ARID1B: variants seen among roughly 807,000 people sequenced by gnomAD.
The protein encoded by ARID1B is AT-rich interaction domain 1B.
ARID1B carries 30 observed loss-of-function variants against 212.3 expected under a neutral mutation model. The ratio of observed to expected loss-of-function variants is 0.14; its 90% CI spans 0.11 to 0.19. The LOEUF (loss-of-function observed/expected upper bound fraction) is 0.19. Among genes scored for constraint, ARID1B ranks in the 10% least tolerant of loss-of-function variants. The probability of loss-of-function intolerance (pLI) is 1.00; values close to 1 mark genes in which losing one functional copy is unlikely to be tolerated. For synonymous variants in ARID1B, 1,402 were observed against 1,301.7 expected (o/e 1.08, Z -1.66); for missense variants, 2,891 against 3,204.0 (o/e 0.90, Z 2.36).
chr6:157,039,688 TCCTTCCTTCTTTCTTTC>T (rs1781655281), intron 4 of ARID1B, among the ~76,000 whole-genome samples: 1 of 93,472 alleles, frequency 1.1e-5, no homozygotes, highest in Non-Finnish European at 2.6e-5. Context: ...CTTCCTTCCT[TCCTTCCTTCTTTCTTTC>T]CTTTCTTTCC....
intron 11 of ARID1B, among the ~76,000 whole-genome samples, chr6:157,178,530 C>T (rs1792272099): frequency 2.0e-5 from 3 of 152,272 alleles, no homozygotes; most frequent in South Asian, 2.1e-4. Context: ...AGGCCTCTTC[C>T]GAATTTATCA....
intron 3 of ARID1B, among the ~76,000 whole-genome samples, chr6:156,910,092 C>T (rs992696751): frequency 3.9e-5 from 6 of 152,162 alleles, no homozygotes; most frequent in Non-Finnish European, 7.3e-5. Flanking sequence ...GCTTCATAGG[C>T]GATGCTGTGC....
intron 1 of ARID1B, among the ~76,000 whole-genome samples, chr6:156,780,912 TATAA>T (rs1161909062): frequency 6.6e-6 from 1 of 152,246 alleles, no homozygotes; most frequent in Non-Finnish European, 1.5e-5. Context: ...GTAAAGCCTT[TATAA>T]AAGTCTTCCC....
At chr6:156,819,583 A>C (rs1486297084) in intron 1 of ARID1B, among the ~76,000 whole-genome samples, 1 of 152,220 alleles carries the variant, frequency 6.6e-6, no homozygotes, top group African/African-American at 2.4e-5. Context: ...TCAGGGAAAA[A>C]CTAGGGAACC....
intron 3 of ARID1B, among the ~76,000 whole-genome samples, chr6:156,932,145 A>AGGGGGGGGGG (rs61152353): frequency 1.6e-5 from 1 of 61,348 alleles, no homozygotes; most frequent in African/African-American, 6.4e-5. Flanking sequence ...AAAAAAAAAA[A>AGGGGGGGGGG]GGGGGGGGGC....
In ARID1B at chr6:157,019,044, G is replaced by GTCTCTA. The variant is rs375884461; in HGVS notation, c.2248-65617_2248-65616insCTCTAT. Among the ~76,000 whole-genome samples the GTCTCTA allele has an allele frequency of 4.5e-3, 684 of 152,274 alleles. 2 individuals carry two copies. Among genetic ancestry groups the GTCTCTA allele is most frequent in the African/African-American group, 0.015 (642 of 41,546 alleles). ...CTTCATATTCCAATAATGAGTTGAGGTAAGGGGTGATATCATATGGCAGAT... is the reference window on the plus strand; with the variant it reads ...CTTCATATTCCAATAATGAGTTGAGGTCTCTATAAGGGGTGATATCATATGGCAGAT... On this transcript the variant is annotated intron_variant, in intron 4 of 19. Transcript: ENST00000636930.
chr6:157,045,263 C>T (rs967009964), intron 4 of ARID1B, among the ~76,000 whole-genome samples: 2 of 152,058 alleles, frequency 1.3e-5, no homozygotes, highest in African/African-American at 4.8e-5. Flanking sequence ...AAGATATGCC[C>T]CAGGCTACCA....
intron 4 of ARID1B, among the ~76,000 whole-genome samples, chr6:157,043,323 C>T (rs1782012077): frequency 6.6e-6 from 1 of 152,162 alleles, no homozygotes; most frequent in South Asian, 2.1e-4. Flanking sequence ...TCCATTCTAA[C>T]CTCTCTCTTC....
chr6:157,147,120 A>G (rs1452561019), intron 7 of ARID1B, among the ~76,000 whole-genome samples: 4 of 151,974 alleles, frequency 2.6e-5, no homozygotes, highest in Non-Finnish European at 1.5e-5. Context: ...TATCATGTGT[A>G]CCTTTGATTT....
intron 2 of ARID1B, among the ~76,000 whole-genome samples, chr6:156,854,748 T>C (rs1384914795): frequency 6.6e-6 from 1 of 152,262 alleles, no homozygotes; most frequent in Non-Finnish European, 1.5e-5. Context: ...TGTTTGAATA[T>C]ATAGGGCACA....
rs56870548 is a variant in ARID1B, at chr6:157,060,630, CTTTTTT to C, written c.2248-24011_2248-24006del. 9.7e-5 allele frequency among the ~76,000 whole-genome samples: 7 copies of C among 72,044 alleles called. No homozygotes were observed. In the Admixed American group the frequency reaches 1.2e-3, roughly 12 times the overall value. 47.3% of individuals were successfully genotyped at this position (72,044 alleles called of 152,430 possible). A position where few individuals can be genotyped will look rare whatever the true frequency, so the allele number is the denominator to read the frequency against. On this transcript the variant is annotated intron_variant, in intron 4 of 19. Coordinates refer to ENST00000636930, the MANE Select transcript of ARID1B (RefSeq NM_001374828.1). ...TAATATATGTGAAGCAAAATCTGAA[CTTTTTT>C]TTTTTTTTTTTTTTTTTTTTACTAT...
At chr6:156,902,976 T>G (rs567218731) in intron 3 of ARID1B, among the ~76,000 whole-genome samples, 1 of 152,290 alleles carries the variant, frequency 6.6e-6, no homozygotes, top group African/African-American at 2.4e-5. Context: ...CAGAGTGTTT[T>G]GTCATGTCAT....
intron 4 of ARID1B, among the ~76,000 whole-genome samples, chr6:156,992,576 ACGGCTAGCACCAGGGCCGT>A (rs1346888990): frequency 6.6e-6 from 1 of 152,196 alleles, no homozygotes; most frequent in Non-Finnish European, 1.5e-5. Context: ...GAGGGGACAG[ACGGCTAGCACCAGGGCCGT>A]AGGTTTTGGA....
chr6:157,180,202 G>C (rs566815889), intron 11 of ARID1B, among the ~76,000 whole-genome samples: 2 of 152,276 alleles, frequency 1.3e-5, no homozygotes, highest in East Asian at 3.9e-4. Context: ...CAGGTGTTCA[G>C]AAACGGCAAC....
chr6:157,079,818 C>G (rs150507417), intron 4 of ARID1B, among the ~76,000 whole-genome samples: 172 of 152,282 alleles, frequency 1.1e-3, no homozygotes, highest in African/African-American at 4.1e-3. Context: ...CAAGAAGTCA[C>G]TACCCTTAAG....
At chr6:157,039,836 C>G (rs1781720169) in intron 4 of ARID1B, among the ~76,000 whole-genome samples, 2 of 94,948 alleles carry the variant, frequency 2.1e-5, no homozygotes, top group Non-Finnish European at 4.0e-5. Context: ...TTCTCTCTTT[C>G]TTTCTCTCTC....
intron 16 of ARID1B, 81 bp from the exon 17 acceptor site, chr6:157,198,730 G>C: frequency 8.2e-7 from 1 of 1,222,896 alleles, no homozygotes; most frequent in Non-Finnish European, 1.2e-6. Context: ...AGGGAGTCAG[G>C]GTTCCAGAAA....
At chr6:157,162,865 T>A (rs1791035720) in intron 8 of ARID1B, among the ~76,000 whole-genome samples, 1 of 152,076 alleles carries the variant, frequency 6.6e-6, no homozygotes, top group Non-Finnish European at 1.5e-5. Context: ...CTTACCCCCC[T>A]GAGATGTTCC....
chr6:156,982,104 C>T lies in ARID1B; in HGVS notation c.2247+46528C>T, dbSNP rs114210854. Among the ~76,000 whole-genome samples the T allele has an allele frequency of 4.8e-3, 730 of 151,782 alleles. 8 individuals are homozygous for T. The highest frequency in any genetic ancestry group is 0.017 in the African/African-American group (694 of 41,324). On this transcript the variant is annotated intron_variant, in intron 4 of 19. Coordinates refer to ENST00000636930, the MANE Select transcript of ARID1B (RefSeq NM_001374828.1). ...CCTAGATCACTTACCATTTTGACTGCGCACATCTTTCAGTAGCTTCTTGAG... is the reference window on the plus strand; with the variant it reads ...CCTAGATCACTTACCATTTTGACTGTGCACATCTTTCAGTAGCTTCTTGAG...
Sources: gnomAD v4.1 joint callset for allele counts (sites outside exome capture counted in the v4.1 genomes callset) on GRCh38, gnomAD v4.1.1 for gene constraint, MANE v1.5 for transcripts, NCBI Gene and HGNC (gene_info 2026-07-23, HGNC 2026-07-21) for gene names.